DCTN1: variants seen among roughly 807,000 people sequenced by gnomAD.
DCTN1 encodes the protein 150 kDa dynein-associated polypeptide.
A neutral mutation model predicts 161.2 loss-of-function variants in DCTN1; 61 were observed. The observed-to-expected ratio is 0.38, with a 90% CI of 0.31 to 0.47. DCTN1 has a LOEUF of 0.47. Among genes scored for constraint, DCTN1 ranks in the 20% least tolerant of loss-of-function variants. The probability of loss-of-function intolerance (pLI) is 0.99; values close to 1 mark genes in which losing one functional copy is unlikely to be tolerated. For missense variants in DCTN1, 1,404 were observed against 1,623.7 expected, an observed-to-expected ratio of 0.86 and a Z score of 2.33; for synonymous variants, 653 against 632.4, an observed-to-expected ratio of 1.03 and a Z score of -0.49.
At position 74,370,872 on chromosome 2, in the gene DCTN1, C is replaced by T; in HGVS notation, c.844-47G>A. 6.2e-7 allele frequency: 1 copy of T among 1,613,416 alleles called. No homozygotes were observed. Among genetic ancestry groups the T allele is most frequent in the African/African-American group, 1.3e-5 (1 of 75,026 alleles). On this transcript the variant is annotated intron_variant, in intron 9 of 31. Transcript: ENST00000628224. The surrounding 1 kb of genome is among the most constrained non-coding windows in gnomAD (Gnocchi z 4.4). ...GAGGGGGTACCAGCACAGAGATGCCCCAGGCCTTTCTCACAGTATGTTCCA... is the reference window on the plus strand; with the variant it reads ...GAGGGGGTACCAGCACAGAGATGCCTCAGGCCTTTCTCACAGTATGTTCCA...
chr2:74,365,327 C>T (rs1299321405), intron 25 of DCTN1, 86 bp from the exon 26 acceptor site: 15 of 1,581,700 alleles, frequency 9.5e-6, no homozygotes, highest in African/African-American at 5.4e-5. Flanking sequence ...TTGGAATAGC[C>T]CTGCCAGTGA....
Position 74,365,115 on chromosome 2 carries a change from A to T in DCTN1, c.3156T>A (p.Pro1052=). 1 of 1,614,142 alleles carries T rather than the reference A, an allele frequency of 6.2e-7. No individual in the cohort carries two copies. The highest frequency in any genetic ancestry group is 1.1e-5 in the South Asian group (1 of 91,072). The change falls in exon 26 of 32, where the codon CCT becomes CCA. Residue 1052 remains proline, a synonymous_variant. Transcript: ENST00000628224. ...AGACCAGAGTAGCAATGCCTGAAGG[A>T]GGAGGGCCCCGGAGTCCCTCAATCG... ...KRTIEGLRGP[P]PSGIATLVSG... is the part of the protein sequence containing the mutation.
upstream of DCTN1, among the ~76,000 whole-genome samples, chr2:74,382,515 C>T (rs571186236): frequency 4.0e-5 from 6 of 150,268 alleles, no homozygotes; most frequent in South Asian, 2.1e-4. Flanking sequence ...GCATGAGAAT[C>T]GCTTGAAGCC....
At chr2:74,387,421 TCTCA>T (rs1372695812) in intron 1 of DCTN1, among the ~76,000 whole-genome samples, 1 of 152,124 alleles carries the variant, frequency 6.6e-6, no homozygotes, top group Non-Finnish European at 1.5e-5. Context: ...CAGACTCATA[TCTCA>T]CTGTCTGCTA....
At chr2:74,366,954 G>C (rs1674462803) in intron 20 of DCTN1, 22 bp from the exon 21 acceptor site, 1 of 1,614,068 alleles carries the variant, frequency 6.2e-7, no homozygotes, top group African/African-American at 1.3e-5. Flanking sequence ...AAAGAAAATG[G>C]ATGGAGAACC....
intron 7 of DCTN1, 128 bp from the exon 8 acceptor site, chr2:74,371,856 T>C: frequency 1.3e-6 from 1 of 741,142 alleles, no homozygotes; most frequent in Non-Finnish European, 2.3e-6. Context: ...AAAGAGAGTA[T>C]CAAAGCACAG....
chr2:74,374,359 A>C lies in DCTN1; in HGVS notation c.415-19T>G. ...TCGGTGCCTGTCTCATCATTGCAGA[A>C]AACCAAAGAAAGCAAGGAGAGGAAA... On this transcript the variant is annotated intron_variant, in intron 5 of 31. Transcript: ENST00000628224. 1 of 1,613,564 alleles carries C rather than the reference A, an allele frequency of 6.2e-7. No individual in the cohort carries two copies. Among genetic ancestry groups the C allele is most frequent in the Non-Finnish European group, 8.5e-7 (1 of 1,179,720 alleles).
intron 2 of DCTN1, 77 bp from the exon 3 acceptor site, chr2:74,377,803 C>T: frequency 4.0e-6 from 6 of 1,497,966 alleles, no homozygotes; most frequent in South Asian, 1.1e-5. Flanking sequence ...ATGGGCCCCT[C>T]CCCAGGCTCC....
At chr2:74,371,973 G>T (rs1161715750) in intron 7 of DCTN1, 5 of 525,798 alleles carry the variant, frequency 9.5e-6, no homozygotes, top group Non-Finnish European at 1.7e-5. Context: ...GGGAGGAAAA[G>T]ATAAGAGAAA....
chr2:74,366,547 G>C lies in DCTN1; in HGVS notation c.2540C>G (p.Ala847Gly), dbSNP rs1573152106. The C allele has an allele frequency of 1.2e-6, 2 of 1,613,846 alleles. No homozygotes were observed. Among genetic ancestry groups the C allele is most frequent in the Non-Finnish European group, 1.7e-6 (2 of 1,179,990 alleles). The change falls in exon 22 of 32, where the codon GCT becomes GGT. Residue 847 changes from alanine to glycine, a missense_variant. Physicochemically the swap from Ala to Gly is moderately conservative, Grantham distance 60. Transcript: ENST00000628224. ...VVAVLQEVAA[A>G]AAQLIAPLAE... The stretch of plus-strand genomic sequence containing the variant: ...CAGTGGGGCAATGAGCTGGGCAGCA[G>C]CAGCTGCCACCTCCTGCAGCACAGC...
chr2:74,372,023 A>C, intron 7 of DCTN1: 1 of 409,890 alleles, frequency 2.4e-6, no homozygotes. Flanking sequence ...CACTGACTCC[A>C]CATTCCTCCT....
At chr2:74,368,441 C>T (rs912015696) in intron 16 of DCTN1, 8 of 611,886 alleles carry the variant, frequency 1.3e-5, no homozygotes, top group African/African-American at 3.7e-5. Context: ...CCATCATCCC[C>T]AAGGTTAACC....
chr2:74,361,680 C>T (rs1276971708), intron 31 of DCTN1, 44 bp from the exon 32 acceptor site: 1 of 1,613,898 alleles, frequency 6.2e-7, no homozygotes, highest in South Asian at 1.1e-5. Flanking sequence ...CAGGGGCTCA[C>T]TTGAGCTGTG....
chr2:74,364,638 A>G (rs10153603), intron 26 of DCTN1: 16,467 of 285,850 alleles, frequency 0.058, 2,161 homozygotes, highest in African/African-American at 0.3. Flanking sequence ...CCACATCATA[A>G]AATGAAGCCA....
Position 74,365,249 on chromosome 2 carries a change from A to T in DCTN1, c.3030-8T>A, listed in dbSNP as rs748109750. 6.2e-7 allele frequency: 1 copy of T among 1,614,160 alleles called. No individual in the cohort carries two copies. Among genetic ancestry groups the T allele is most frequent in the South Asian group, 1.1e-5 (1 of 91,082 alleles). ...ATTGTCTCCTCAAACTCTCTGTGAA[A>T]GAGAATCTGGGCTTTGGCAGTGTCC... On this transcript the variant is annotated splice_region_variant and splice_polypyrimidine_tract_variant and intron_variant, in intron 25 of 31. Transcript: ENST00000628224.
intron 5 of DCTN1, chr2:74,374,602 G>A: frequency 7.9e-7 from 1 of 1,268,482 alleles, no homozygotes; most frequent in Non-Finnish European, 1.0e-6. Context: ...TGGATCGCCA[G>A]GCTCCGGCAG....
rs763274988 is a variant in DCTN1 at position 74,377,970 on chromosome 2, T to TG, written c.279+29dup. ...CACATGCGACAGACATGTGCACACA[T>TG]GCACAGACACAAAAGAAGGGCGTGA... On this transcript the variant is annotated intron_variant, in intron 2 of 31. Coordinates refer to ENST00000628224, the MANE Select transcript of DCTN1 (RefSeq NM_004082.5). 1.9e-6 allele frequency: 3 copies of TG among 1,613,008 alleles called. No individual in the cohort carries two copies. The African/African-American group carries it at 4.0e-5, about 22-fold the overall frequency.
In DCTN1 at chr2:74,363,318, G is replaced by A. The variant is rs1674159229; in HGVS notation, c.3321C>T (p.Leu1107=). 6.2e-7 allele frequency: 1 copy of A among 1,613,850 alleles called. No individual in the cohort carries two copies. Reference sequence around the variant, plus strand: ...CCTTGAGGATGCTGTTCTCATGCTGGAGCTGGGAGATGTGCAGCCTCATGG... The same window carrying A: ...CCTTGAGGATGCTGTTCTCATGCTGAAGCTGGGAGATGTGCAGCCTCATGG... ...ISAMRLHISQ[L]QHENSILKGA... The change falls in exon 28 of 32, where the codon CTC becomes CTT. Residue 1107 remains leucine (L), a synonymous_variant. Coordinates refer to ENST00000628224, the MANE Select transcript of DCTN1 (RefSeq NM_004082.5).
chr2:74,361,283 T>C lies in DCTN1; in HGVS notation c.*216A>G. ...AGGCCCCTCAGGAAGGAGGGAGCAG[T>C]TGAACAACAAATTATGGCAGAGGCC... On this transcript the variant is annotated 3_prime_UTR_variant, in exon 32 of 32. Coordinates refer to ENST00000628224, the MANE Select transcript of DCTN1 (RefSeq NM_004082.5). The C allele has an allele frequency of 2.7e-6, 2 of 731,488 alleles. No homozygotes were observed. Among genetic ancestry groups the C allele is most frequent in the South Asian group, 1.5e-5 (1 of 67,460 alleles). 45.3% of individuals were successfully genotyped at this position (731,488 alleles called of 1,614,324 possible).
Sources: allele counts gnomAD v4.1 joint callset (sites outside exome capture counted in the v4.1 genomes callset), GRCh38; gene constraint gnomAD v4.1.1; non-coding constraint Gnocchi (gnomAD v3.1); transcripts MANE v1.5; gene names NCBI Gene and HGNC (gene_info 2026-07-23, HGNC 2026-07-21).